The following SLC24A2 variants were observed in gnomAD, a reference collection of about 807,000 sequenced individuals.
SLC24A2 encodes solute carrier family 24 member 2, also known as sodium/potassium/calcium exchanger 2.
Under a neutral mutation model 62.0 loss-of-function variants are expected in SLC24A2, and 36 were observed. That is an observed-to-expected ratio of 0.58 (90% CI 0.44 to 0.77). The LOEUF (loss-of-function observed/expected upper bound fraction) is 0.77, where lower values mean the gene tolerates loss of function less well. Among genes scored for constraint, SLC24A2 ranks in the 30% least tolerant of loss-of-function variants. The probability of loss-of-function intolerance (pLI) is 0.00; values close to 1 mark genes in which losing one functional copy is unlikely to be tolerated. For synonymous variants in SLC24A2, 358 were observed against 294.0 expected (o/e 1.22, Z -2.23); for missense variants, 846 against 817.9 (o/e 1.03, Z -0.42).
chr9:19,590,672 G>A (rs1420822562), intron 5 of SLC24A2, among the ~76,000 whole-genome samples: 1 of 152,048 alleles, frequency 6.6e-6, no homozygotes, highest in Non-Finnish European at 1.5e-5. Flanking sequence ...GGTGAGCCCT[G>A]CAACACCTGG....
chr9:19,739,027 G>T (rs1040188157), intron 2 of SLC24A2, among the ~76,000 whole-genome samples: 1 of 152,154 alleles, frequency 6.6e-6, no homozygotes, highest in Non-Finnish European at 1.5e-5. Flanking sequence ...TGAGGCAGAA[G>T]AATCACTTGA....
chr9:19,716,529 C>G (rs1271021373), intron 2 of SLC24A2, among the ~76,000 whole-genome samples: 2 of 152,202 alleles, frequency 1.3e-5, no homozygotes, highest in South Asian at 2.1e-4. Context: ...CAGGGGAGAT[C>G]TGATTTATCC....
the SLC24A2 span, among the ~76,000 whole-genome samples, chr9:19,804,006 A>G: frequency 2.6e-5 from 4 of 152,306 alleles, no homozygotes; most frequent in Middle Eastern, 6.8e-3. Context: ...TGATATTGAC[A>G]ATAAACTAAT....
chr9:19,915,629 G>A, the SLC24A2 span, among the ~76,000 whole-genome samples: 1 of 152,006 alleles, frequency 6.6e-6, no homozygotes, highest in African/African-American at 2.4e-5. Context: ...GATGATAGTA[G>A]TTCTAGTAGG....
chr9:20,130,944 A>T, the SLC24A2 span, among the ~76,000 whole-genome samples: 1 of 151,266 alleles, frequency 6.6e-6, no homozygotes, highest in Non-Finnish European at 1.5e-5. Context: ...AACCTGTCCC[A>T]GCATGACTTT....
chr9:20,227,212 T>TA, the SLC24A2 span, among the ~76,000 whole-genome samples: 1 of 152,160 alleles, frequency 6.6e-6, no homozygotes. Flanking sequence ...ATGAATACGA[T>TA]ATGTTGACTC....
the SLC24A2 span, among the ~76,000 whole-genome samples, chr9:20,269,448 T>A: frequency 6.6e-6 from 1 of 152,152 alleles, no homozygotes; most frequent in Non-Finnish European, 1.5e-5. Context: ...CTTCCTTTCA[T>A]TTCTCTGTTC....
chr9:19,964,275 C>T, the SLC24A2 span, among the ~76,000 whole-genome samples: 4 of 150,188 alleles, frequency 2.7e-5, no homozygotes, highest in South Asian at 2.1e-4. Context: ...TGCTAAATGA[C>T]GAGTTAATGG....
At chr9:19,553,503 C>T (rs762199099) in intron 7 of SLC24A2, among the ~76,000 whole-genome samples, 1 of 152,164 alleles carries the variant, frequency 6.6e-6, no homozygotes, top group African/African-American at 2.4e-5. Context: ...TTGTGTAAAG[C>T]TTTAGGGCCT....
chr9:19,890,690 G>A, the SLC24A2 span, among the ~76,000 whole-genome samples: 2 of 152,014 alleles, frequency 1.3e-5, no homozygotes, highest in East Asian at 3.9e-4. Context: ...TTAATTTACT[G>A]TTTTGATACA....
chr9:19,983,042 C>G, the SLC24A2 span, among the ~76,000 whole-genome samples: 1 of 152,156 alleles, frequency 6.6e-6, no homozygotes, highest in Non-Finnish European at 1.5e-5. Flanking sequence ...TGAACAGCCA[C>G]TGTTAACATC....
intron 2 of SLC24A2, among the ~76,000 whole-genome samples, chr9:19,774,124 G>C (rs1174380807): frequency 2.0e-4 from 30 of 152,148 alleles, no homozygotes; most frequent in Admixed American, 2.0e-3. Context: ...TAGGACTGAA[G>C]AAGAGTAGGC....
chr9:19,945,331 A>G, the SLC24A2 span, among the ~76,000 whole-genome samples: 1 of 151,976 alleles, frequency 6.6e-6, no homozygotes, highest in African/African-American at 2.4e-5. Context: ...GAGGGAGGGG[A>G]GAGAGAGAAC....
intron 2 of SLC24A2, among the ~76,000 whole-genome samples, chr9:19,683,575 T>A (rs1819786922): frequency 6.6e-6 from 1 of 152,008 alleles, no homozygotes. Flanking sequence ...CATAAATTTA[T>A]TTTTTCATGA....
chr9:20,013,334 T>A, the SLC24A2 span, among the ~76,000 whole-genome samples: 1 of 152,130 alleles, frequency 6.6e-6, no homozygotes, highest in Non-Finnish European at 1.5e-5. Context: ...CAATAAATAG[T>A]GTTGGAAAAA....
intron 5 of SLC24A2, among the ~76,000 whole-genome samples, chr9:19,594,816 G>T (rs560202391): frequency 6.6e-6 from 1 of 152,168 alleles, no homozygotes; most frequent in Non-Finnish European, 1.5e-5. Context: ...AGAGACCCTT[G>T]AGAGTTTGAA....
At chr9:19,859,480 G>A in the SLC24A2 span, among the ~76,000 whole-genome samples, 13 of 152,176 alleles carry the variant, frequency 8.5e-5, no homozygotes, top group Non-Finnish European at 1.3e-4. Flanking sequence ...ACGTGCACGT[G>A]TATCCCTGAA....
At chr9:20,094,978 A>G in the SLC24A2 span, among the ~76,000 whole-genome samples, 3 of 152,170 alleles carry the variant, frequency 2.0e-5, no homozygotes, top group African/African-American at 4.8e-5. Context: ...TATCTGAAAA[A>G]GCTATTAAAA....
intron 9 of SLC24A2, among the ~76,000 whole-genome samples, chr9:19,524,635 G>T (rs920772492): frequency 2.6e-5 from 4 of 152,264 alleles, no homozygotes; most frequent in Non-Finnish European, 5.9e-5. Flanking sequence ...AATCTATTTT[G>T]TTCAGCTGTC....
Sources: allele counts gnomAD v4.1 joint callset (sites outside exome capture counted in the v4.1 genomes callset), GRCh38; gene constraint gnomAD v4.1.1; transcripts MANE v1.5; gene names NCBI Gene and HGNC (gene_info 2026-07-23, HGNC 2026-07-21).